Variants in POLQ observed in about 807,000 individuals in gnomAD.
POLQ encodes the protein DNA polymerase theta.
In POLQ, 233 loss-of-function variants were observed where a neutral mutation model predicts 259.2. That is an observed-to-expected ratio of 0.90 (90% CI 0.81 to 1.00). POLQ has a LOEUF of 1.00. Ranked by LOEUF, POLQ falls within the 50% of genes least tolerant of loss-of-function variation. The pLI is 0.00. For missense variants in POLQ, 2,871 were observed against 3,051.6 expected (o/e 0.94, Z 1.39); for synonymous variants, 1,025 against 1,048.8 (o/e 0.98, Z 0.44).
At chr3:121,494,411 T>A in intron 14 of POLQ, 4 of 1,553,910 alleles carry the variant, frequency 2.6e-6, no homozygotes, top group Non-Finnish European at 3.5e-6. Flanking sequence ...GGCCCACAAG[T>A]ACAGACCAGA....
intron 3 of POLQ, 36 bp from the exon 4 acceptor site, chr3:121,539,625 A>T: frequency 1.9e-6 from 3 of 1,559,184 alleles, no homozygotes; most frequent in Non-Finnish European, 2.6e-6. Flanking sequence ...CAGGTGAAAA[A>T]ACTTGAAATT....
chr3:121,442,319 A>G (rs901914178), intron 26 of POLQ, among the ~76,000 whole-genome samples: 4 of 152,162 alleles, frequency 2.6e-5, no homozygotes, highest in Non-Finnish European at 2.9e-5. Flanking sequence ...ATACTCTTTT[A>G]GTCATCTTTA....
Position 121,519,978 on chromosome 3 carries a change from G to A in POLQ, c.1361C>T (p.Ala454Val), listed in dbSNP as rs893129000. The A allele has an allele frequency of 6.2e-7, 1 of 1,611,628 alleles. No individual in the cohort carries two copies. Among genetic ancestry groups the A allele is most frequent in the Non-Finnish European group, 8.5e-7 (1 of 1,177,814 alleles). ...STLSSGVNLPARRVIIRTPIF... is the reference protein window; with the variant it reads ...STLSSGVNLPVRRVIIRTPIF... ...AGGGGTTCGAATAATCACACGACGT[G>A]CAGGTAAATTCACCCCAGAAGAAAG... Residue 454 changes from alanine to valine, a missense_variant, in exon 9 of 30, where the codon GCA becomes GTA. By Grantham distance (64) the Ala-to-Val change is moderately conservative. Coordinates refer to ENST00000264233, the MANE Select transcript of POLQ (RefSeq NM_199420.4).
chr3:121,529,779 T>C lies in POLQ; in HGVS notation c.974A>G (p.His325Arg). ...PMLQVKGDEDHVVSLCYETIC... is the reference protein window; with the variant it reads ...PMLQVKGDEDRVVSLCYETIC... ...CGTCTCATAACATAAACTAACAACATGGTCCTCATCTCCCTAAAACAGAAA... is the reference window on the plus strand; with the variant it reads ...CGTCTCATAACATAAACTAACAACACGGTCCTCATCTCCCTAAAACAGAAA... Residue 325 changes from histidine (H) to arginine (R), a missense_variant, in exon 7 of 30, where the codon CAT (histidine) becomes CGT (arginine). Physicochemically the swap from His to Arg is conservative, Grantham distance 29 (BLOSUM62 0). Transcript: ENST00000264233. 1 of 1,610,872 alleles carries C rather than the reference T, an allele frequency of 6.2e-7. No individual in the cohort carries two copies. The highest frequency in any genetic ancestry group is 8.5e-7 in the Non-Finnish European group (1 of 1,178,394).
intron 25 of POLQ, among the ~76,000 whole-genome samples, chr3:121,456,184 G>T (rs997971363): frequency 2.6e-5 from 4 of 152,020 alleles, no homozygotes; most frequent in African/African-American, 4.8e-5. Context: ...ATTCAACAAC[G>T]CTTCATGCTA....
intron 1 of POLQ, among the ~76,000 whole-genome samples, chr3:121,545,151 T>A (rs181177023): frequency 6.6e-6 from 1 of 152,242 alleles, no homozygotes; most frequent in Admixed American, 6.5e-5. Context: ...ACACAGTAGA[T>A]AAAGAGTGTT....
At chr3:121,449,462 G>T in intron 25 of POLQ, 36 bp from the exon 26 acceptor site, 3 of 1,155,822 alleles carry the variant, frequency 2.6e-6, no homozygotes, top group Non-Finnish European at 3.9e-6. Context: ...AAGGTTATAA[G>T]TACATAAAAT....
At chr3:121,455,647 A>T (rs1560088330) in intron 25 of POLQ, among the ~76,000 whole-genome samples, 1 of 152,216 alleles carries the variant, frequency 6.6e-6, no homozygotes, top group Non-Finnish European at 1.5e-5. Context: ...AAATGGATAA[A>T]TTCCACGACA....
chr3:121,489,705 T>C lies in POLQ; in HGVS notation c.3226A>G (p.Ser1076Gly), dbSNP rs1211749234. 6.2e-7 allele frequency: 1 copy of C among 1,613,490 alleles called. No homozygotes were observed. Among genetic ancestry groups the C allele is most frequent in the South Asian group, 1.1e-5 (1 of 90,952 alleles). The part of the protein sequence containing the change: ...HLQGQTLSNP[S>G]LCEDPFTLDE... ...AAGGTAAACGGGTCTTCACAAAGAC[T>C]AGGATTAGACAGAGTCTGTCCTTGT... Residue 1076 changes from serine (S) to glycine (G), a missense_variant, in exon 16 of 30, where the codon AGT (serine) becomes GGT (glycine). Ser to Gly is a moderately conservative substitution (Grantham distance 56). Around this residue, in one of 3 missense-constraint regions of POLQ, gnomAD observed 2,080 missense variants for 2,126.0 expected, o/e 0.98. Transcript: ENST00000264233.
At chr3:121,477,816 C>T (rs2047939349) in intron 19 of POLQ, among the ~76,000 whole-genome samples, 1 of 152,130 alleles carries the variant, frequency 6.6e-6, no homozygotes, top group African/African-American at 2.4e-5. Context: ...CTGCTGGTCT[C>T]AATCAGCATG....
chr3:121,445,206 T>C (rs2047623079), intron 26 of POLQ, among the ~76,000 whole-genome samples: 1 of 152,200 alleles, frequency 6.6e-6, no homozygotes, highest in Non-Finnish European at 1.5e-5. Context: ...AAATTTTTGG[T>C]AGAATTCAGC....
In POLQ at chr3:121,489,563, G is replaced by C. The variant is rs781408585; in HGVS notation, c.3368C>G (p.Ser1123Ter). ...ATCATTAGTTAGTGTTATGTTCCAT[G>C]AACAATTTTGCTTTATTTGTAATGG... ...SFPLQIKQNCSWNITLTNDNF... is the reference protein window; with the variant it reads ...SFPLQIKQNC The change falls in exon 16 of 30, where the codon TCA becomes TGA. Residue 1123 changes from serine to a stop codon, truncating the protein, a stop_gained. Transcript: ENST00000264233. LOFTEE classifies it high-confidence loss of function. 6.2e-7 allele frequency: 1 copy of C among 1,612,578 alleles called. No individual in the cohort carries two copies. Among genetic ancestry groups the C allele is most frequent in the Non-Finnish European group, 8.5e-7 (1 of 1,179,308 alleles).
At chr3:121,446,125 T>C (rs1037443458) in intron 26 of POLQ, among the ~76,000 whole-genome samples, 2 of 152,110 alleles carry the variant, frequency 1.3e-5, no homozygotes, top group African/African-American at 4.8e-5. Flanking sequence ...CCCATAGGTG[T>C]TGGTGTGTTG....
chr3:121,468,662 A>G (rs182436492), intron 22 of POLQ, among the ~76,000 whole-genome samples: 2 of 152,330 alleles, frequency 1.3e-5, no homozygotes, highest in African/African-American at 4.8e-5. Flanking sequence ...TATGTTTTAC[A>G]CAGAAAACCA....
intron 19 of POLQ, among the ~76,000 whole-genome samples, chr3:121,479,362 A>ATGTGTGTGTGTG (rs71133538): frequency 1.4e-3 from 203 of 142,696 alleles, no homozygotes; most frequent in Non-Finnish European, 2.2e-3. Flanking sequence ...AAAAAAAAAA[A>ATGTGTGTGTGTG]TGTGTGTGTG....
chr3:121,474,898 G>C (rs978447396), intron 20 of POLQ, among the ~76,000 whole-genome samples: 1 of 152,136 alleles, frequency 6.6e-6, no homozygotes, highest in Admixed American at 6.5e-5. Context: ...ACAAATTATA[G>C]TTGTATACAT....
intron 22 of POLQ, among the ~76,000 whole-genome samples, chr3:121,471,241 T>C (rs1246729460): frequency 1.3e-5 from 2 of 152,124 alleles, no homozygotes; most frequent in Admixed American, 1.3e-4. Context: ...TCTACAGCTT[T>C]CTTTTCTGCT....
At chr3:121,474,569 C>G (rs1057490852) in intron 20 of POLQ, among the ~76,000 whole-genome samples, 1 of 151,978 alleles carries the variant, frequency 6.6e-6, no homozygotes, top group African/African-American at 2.4e-5. Flanking sequence ...TGTGTAAGTA[C>G]AAGAATTTTT....
At chr3:121,441,926 TCA>T (rs756864191) in intron 26 of POLQ, among the ~76,000 whole-genome samples, 20 of 152,238 alleles carry the variant, frequency 1.3e-4, no homozygotes, top group Non-Finnish European at 2.9e-4. Context: ...TTTTGGCATC[TCA>T]GTTTGCTTTT....
Sources: allele counts gnomAD v4.1 joint callset (sites outside exome capture counted in the v4.1 genomes callset), GRCh38; gene constraint gnomAD v4.1.1; regional missense constraint gnomAD v4.1.1; transcripts MANE v1.5; gene names NCBI Gene and HGNC (gene_info 2026-07-23, HGNC 2026-07-21).